Variants in SLC23A2 observed in about 807,000 individuals in gnomAD.
SLC23A2 encodes Na(+)/L-ascorbic acid transporter 2.
A neutral mutation model predicts 73.3 loss-of-function variants in SLC23A2; 36 were observed. The observed-to-expected ratio is 0.49, with a 90% CI of 0.38 to 0.65. SLC23A2 has a LOEUF of 0.65. SLC23A2 is among the 30% of genes least tolerant of loss of function. The pLI is 0.00. For synonymous variants in SLC23A2, 343 were observed against 327.3 expected, an observed-to-expected ratio of 1.05 and a Z score of -0.52; for missense variants, 507 against 841.6, an observed-to-expected ratio of 0.60 and a Z score of 4.92.
chr20:4,942,374 C>CAAAAAAAAAAA (rs1216270773), intron 2 of SLC23A2, among the ~76,000 whole-genome samples: 56 of 47,390 alleles, frequency 1.2e-3, no homozygotes, highest in African/African-American at 2.8e-3. Flanking sequence ...GCTACAGTCT[C>CAAAAAAAAAAA]AAAAAAAAAA....
At chr20:4,858,535 A>AT (rs1166894713) in intron 16 of SLC23A2, among the ~76,000 whole-genome samples, 2 of 149,372 alleles carry the variant, frequency 1.3e-5, no homozygotes, top group East Asian at 3.9e-4. Flanking sequence ...GAGGTTTTTT[A>AT]TTTTTTTTGG....
intron 4 of SLC23A2, among the ~76,000 whole-genome samples, chr20:4,903,424 T>C (rs1931824469): frequency 6.6e-6 from 1 of 152,216 alleles, no homozygotes; most frequent in African/African-American, 2.4e-5. Flanking sequence ...CAAATAATCT[T>C]TCCTTGGAAT....
chr20:4,961,301 T>C (rs755920644), intron 2 of SLC23A2, among the ~76,000 whole-genome samples: 9 of 152,032 alleles, frequency 5.9e-5, no homozygotes, highest in Non-Finnish European at 1.2e-4. Context: ...CAGGATGGTC[T>C]CGATCTCCCT....
chr20:4,963,523 A>C (rs186965936), intron 2 of SLC23A2, among the ~76,000 whole-genome samples: 2 of 148,228 alleles, frequency 1.3e-5, no homozygotes, highest in Non-Finnish European at 3.0e-5. Context: ...GAATATGACC[A>C]TATGTAAGCT....
At position 4,857,047 on chromosome 20, in the gene SLC23A2, C is replaced by T. The variant is rs779431846; in HGVS notation, c.1878G>A (p.Val626=). Reference sequence around the variant, plus strand: ...TCCTGAGGCCTTTCCATGTGTAGCCCACAAAGGTTGGGCTGATGGGTAAGT... The same window carrying T: ...TCCTGAGGCCTTTCCATGTGTAGCCTACAAAGGTTGGGCTGATGGGTAAGT... ...FSYLPISPTF[V]GYTWKGLRKS... The change falls in exon 17 of 17, where the codon GTG becomes GTA. Residue 626 remains valine (V), a synonymous_variant. Coordinates refer to ENST00000338244, the MANE Select transcript of SLC23A2 (RefSeq NM_005116.6). The surrounding 1 kb of genome is among the most constrained non-coding windows in gnomAD (Gnocchi z 4.0). 2 of 1,614,152 alleles carry T rather than the reference C, an allele frequency of 1.2e-6. No individual in the cohort carries two copies. The highest frequency in any genetic ancestry group is 1.7e-6 in the Non-Finnish European group (2 of 1,180,020).
chr20:5,007,854 G>A (rs2088207745), intron 1 of SLC23A2, among the ~76,000 whole-genome samples: 1 of 151,714 alleles, frequency 6.6e-6, no homozygotes, highest in Non-Finnish European at 1.5e-5. Context: ...ACATTGTAGT[G>A]TGCTTCAATA....
intron 2 of SLC23A2, among the ~76,000 whole-genome samples, chr20:4,942,440 C>T (rs912136627): frequency 6.7e-6 from 1 of 148,470 alleles, no homozygotes; most frequent in African/African-American, 2.5e-5. Flanking sequence ...AAAAAATCAG[C>T]CATCTGGAAA....
chr20:4,989,505 A>G (rs1329033726), intron 1 of SLC23A2, among the ~76,000 whole-genome samples: 2 of 152,036 alleles, frequency 1.3e-5, no homozygotes, highest in Non-Finnish European at 2.9e-5. Flanking sequence ...TCTACTCAAT[A>G]TTTTAAATAA....
chr20:4,886,036 G>A, intron 6 of SLC23A2, 127 bp from the exon 7 acceptor site: 1 of 603,460 alleles, frequency 1.7e-6, no homozygotes, highest in Admixed American at 3.1e-5. Context: ...ACACCTAGAA[G>A]AAAAAGCCCC....
intron 11 of SLC23A2, among the ~76,000 whole-genome samples, chr20:4,871,617 G>A (rs148598151): frequency 1.5e-4 from 23 of 152,272 alleles, no homozygotes; most frequent in Admixed American, 9.8e-4. Context: ...CCTGGAGTGC[G>A]GTTAAGGGCA....
chr20:4,985,136 CA>C (rs56246524), intron 1 of SLC23A2, among the ~76,000 whole-genome samples: 64,931 of 103,908 alleles, frequency 0.62, 16,835 homozygotes, highest in African/African-American at 0.65. Flanking sequence ...ACTCCGTCTC[CA>C]AAAAAAAAAA....
In SLC23A2 at chr20:4,961,952, C is replaced by A. The variant is rs902572619; in HGVS notation, c.-155+8841G>T. Among the ~76,000 whole-genome samples the A allele has an allele frequency of 7.9e-5, 12 of 151,986 alleles. No homozygotes were observed. In the South Asian group the frequency reaches 1.5e-3, roughly 18 times the overall value. On this transcript the variant is annotated intron_variant, in intron 2 of 16. Transcript: ENST00000338244. ...CATAGCCTCTGTGGGTAGAGATGTACGTAGACAGTTGCCCTTATGCAAGGC... is the reference window on the plus strand; with the variant it reads ...CATAGCCTCTGTGGGTAGAGATGTAAGTAGACAGTTGCCCTTATGCAAGGC...
At chr20:4,911,248 C>T (rs1462610898) in intron 4 of SLC23A2, among the ~76,000 whole-genome samples, 3 of 152,290 alleles carry the variant, frequency 2.0e-5, no homozygotes, top group East Asian at 1.9e-4. Flanking sequence ...CTTGGAACCC[C>T]GCACTTCTGG....
intron 2 of SLC23A2, among the ~76,000 whole-genome samples, chr20:4,935,794 A>T (rs147966697): frequency 6.6e-6 from 1 of 151,992 alleles, no homozygotes; most frequent in Admixed American, 6.6e-5. Flanking sequence ...GCGAGACTCC[A>T]TCTCAAAAAA....
chr20:4,969,162 CT>C (rs1328115017), intron 2 of SLC23A2, among the ~76,000 whole-genome samples: 2 of 151,922 alleles, frequency 1.3e-5, no homozygotes, highest in Admixed American at 6.6e-5. Flanking sequence ...TCTCGGCTCA[CT>C]GCAACCTCCT....
intron 2 of SLC23A2, among the ~76,000 whole-genome samples, chr20:4,950,321 C>T (rs2087180476): frequency 6.6e-6 from 1 of 152,194 alleles, no homozygotes; most frequent in Non-Finnish European, 1.5e-5. Context: ...TGGTAAGTTT[C>T]CATTTCCCCA....
At chr20:4,931,768 C>G (rs766486156) in intron 3 of SLC23A2, among the ~76,000 whole-genome samples, 23 of 150,458 alleles carry the variant, frequency 1.5e-4, no homozygotes, top group Non-Finnish European at 3.0e-4. Flanking sequence ...GGCCTTGTCT[C>G]AAAAAAAAGA....
intron 3 of SLC23A2, among the ~76,000 whole-genome samples, chr20:4,924,982 T>C (rs991930169): frequency 4.6e-5 from 7 of 151,870 alleles, no homozygotes; most frequent in African/African-American, 1.7e-4. Context: ...CTCAGGAGTT[T>C]GAGATCAGTG....
chr20:4,857,299 C>CAG lies in SLC23A2; in HGVS notation c.1721-96_1721-95insCT. 2.5e-6 allele frequency: 1 copy of CAG among 400,074 alleles called. No individual in the cohort carries two copies. The highest frequency in any genetic ancestry group is 2.9e-5 in the East Asian group (1 of 34,952). The allele number at this position is 400,074 out of a possible 1,614,324, so 24.8% of individuals were successfully genotyped here. A position where few individuals can be genotyped will look rare whatever the true frequency, so the allele number is the denominator to read the frequency against. On this transcript the variant is annotated intron_variant, in intron 16 of 16. Transcript: ENST00000338244. This position sits in a 1 kb window ranked among gnomAD's most constrained non-coding sequence, Gnocchi z 4.0. Reference sequence around the variant, plus strand: ...TCAAACACATACACACACACACACACACACACACACACACACACACACACA... The same window carrying CAG: ...TCAAACACATACACACACACACACACAGACACACACACACACACACACACACA...
Sources: gnomAD v4.1 joint callset for allele counts (sites outside exome capture counted in the v4.1 genomes callset) on GRCh38, gnomAD v4.1.1 for gene constraint, Gnocchi (gnomAD v3.1) non-coding constraint, MANE v1.5 for transcripts, NCBI Gene and HGNC (gene_info 2026-07-23, HGNC 2026-07-21) for gene names.